NONO: variants seen among roughly 807,000 people sequenced by gnomAD.
NONO encodes non-POU domain containing octamer binding.
NONO carries 6 observed loss-of-function variants against 40.2 expected under a neutral mutation model. The observed-to-expected ratio is 0.15, with a 90% CI of 0.08 to 0.29. The LOEUF (loss-of-function observed/expected upper bound fraction) is 0.29, where lower values mean the gene tolerates loss of function less well. NONO is among the 10% of genes least tolerant of loss of function. The pLI, the probability that NONO is intolerant of heterozygous loss-of-function variation, is 1.00. For synonymous variants in NONO, 89 were observed against 123.3 expected (o/e 0.72, Z 1.85); for missense variants, 133 against 397.8 (o/e 0.33, Z 5.66).
At chrX:71,284,624 TGG>T (rs547628213) in intron 2 of NONO, among the ~76,000 whole-genome samples, 171 bp downstream of exon 2, 1 of 111,900 alleles carries the variant, frequency 8.9e-6, no homozygotes, top group African/African-American at 3.2e-5. Flanking sequence ...GCAACTCTAG[TGG>T]GGGGGCCCTG....
In NONO at chrX:71,295,360, G is replaced by A. The variant is rs62608578; in HGVS notation, c.650+832G>A. ...AAATTAGCCGGGTGTGGTGGCGGGC[G>A]CCTGTTGTCCCAGCTACTCTGGAGG... On this transcript the variant is annotated intron_variant, in intron 5 of 11. Coordinates refer to ENST00000276079, the MANE Select transcript of NONO (RefSeq NM_007363.5). Among the ~76,000 whole-genome samples the A allele has an allele frequency of 5.4e-3, 584 of 107,447 alleles. 3 individuals carry two copies. Among genetic ancestry groups the A allele is most frequent in the Non-Finnish European group, 9.1e-3 (474 of 52,035 alleles). 93.3% of individuals were successfully genotyped at this position (107,447 alleles called of 115,157 possible).
chrX:71,297,786 C>A, intron 8 of NONO, 50 bp from the exon 9 acceptor site: 1 of 982,108 alleles, frequency 1.0e-6, no homozygotes, highest in Non-Finnish European at 1.4e-6. Context: ...TGTTAATCTG[C>A]TCAAGTTCTG....
At chrX:71,297,519 CTT>C in intron 8 of NONO, 58 bp downstream of exon 8, 1 of 827,782 alleles carries the variant, frequency 1.2e-6, no homozygotes, top group East Asian at 3.4e-5. Context: ...TCTCACTCCT[CTT>C]TCCTACTGCC....
chrX:71,299,017 G>A (rs2031515944), intron 11 of NONO, among the ~76,000 whole-genome samples: 1 of 111,404 alleles, frequency 9.0e-6, no homozygotes, highest in African/African-American at 3.3e-5. Flanking sequence ...CACCTCCCGG[G>A]TTCAAGCGAG....
rs756027940 is a variant in NONO, at chrX:71,286,660, T to A, written c.-10+2207T>A. 1.3e-3 allele frequency among the ~76,000 whole-genome samples: 149 copies of A among 112,080 alleles called. 1 individual carries two copies. The highest frequency in any genetic ancestry group is 2.6e-3 in the Non-Finnish European group (140 of 53,284). ...ACTCGTGTTTATGTGGTCTTCATAA[T>A]TTTTAAGGCTGTGAACATTCTGTTG... On this transcript the variant is annotated intron_variant, in intron 2 of 11. Coordinates refer to ENST00000276079, the MANE Select transcript of NONO (RefSeq NM_007363.5).
At chrX:71,299,024 C>T (rs2031516113) in intron 11 of NONO, among the ~76,000 whole-genome samples, 1 of 111,368 alleles carries the variant, frequency 9.0e-6, no homozygotes, top group Non-Finnish European at 1.9e-5. Flanking sequence ...CGGGTTCAAG[C>T]GAGTCTCCTG....
At chrX:71,295,674 C>T (rs1042621269) in intron 5 of NONO, among the ~76,000 whole-genome samples, 9 of 108,868 alleles carry the variant, frequency 8.3e-5, no homozygotes, top group African/African-American at 2.7e-4. Flanking sequence ...GCCTGTGATC[C>T]CAGCTACTCG....
intron 9 of NONO, 47 bp from the exon 10 acceptor site, chrX:71,298,422 G>A (rs771634707): frequency 1.8e-6 from 2 of 1,107,691 alleles, no homozygotes; most frequent in East Asian, 6.0e-5. Flanking sequence ...GATTGTGGTA[G>A]AATGCACTGC....
chrX:71,290,693 A>G lies in NONO; in HGVS notation c.56A>G (p.His19Arg). 8.3e-7 allele frequency: 1 copy of G among 1,208,109 alleles called. No homozygotes were observed. The highest frequency in any genetic ancestry group is 1.1e-6 in the Non-Finnish European group (1 of 893,287). Residue 19 changes from histidine to arginine, a missense_variant, in exon 3 of 12, where the codon CAT (histidine) becomes CGT (arginine). His to Arg is a conservative substitution (Grantham distance 29). Around this residue, in one of 3 missense-constraint regions of NONO, gnomAD observed 28 missense variants for 29.5 expected, o/e 0.95. Transcript: ENST00000276079. ...AAGCAAAACCATACTCCAAGAAAGC[A>G]TCATCAACATCACCACCAGCAGCAG... ...LEKQNHTPRK[H>R]HQHHHQQQHH...
At chrX:71,296,325 G>A (rs1253529208) in intron 5 of NONO, among the ~76,000 whole-genome samples, 1 of 109,738 alleles carries the variant, frequency 9.1e-6, no homozygotes, top group Non-Finnish European at 1.9e-5. Flanking sequence ...TGTTGGCCAG[G>A]CTTGTCTTGA....
At chrX:71,290,829 C>T in intron 3 of NONO, 38 bp downstream of exon 3, 1 of 1,093,275 alleles carries the variant, frequency 9.1e-7, no homozygotes. Context: ...AAATGGATTC[C>T]CTCTGGGAAT....
chrX:71,293,778 C>T (rs376578699), intron 4 of NONO, among the ~76,000 whole-genome samples: 17 of 109,861 alleles, frequency 1.5e-4, no homozygotes, highest in African/African-American at 2.6e-4. Context: ...ACTACCAGTG[C>T]GTGCCACTGC....
At chrX:71,291,578 G>A (rs1388705123) in intron 3 of NONO, among the ~76,000 whole-genome samples, 1 of 111,714 alleles carries the variant, frequency 9.0e-6, no homozygotes, top group Non-Finnish European at 1.9e-5. Context: ...CCGTCGTAGA[G>A]CTGTTCAGAT....
In NONO at chrX:71,301,064, T is replaced by C. The variant is rs185418054; in HGVS notation, c.*988T>C. On this transcript the variant is annotated 3_prime_UTR_variant, in exon 12 of 12. Coordinates refer to ENST00000276079, the MANE Select transcript of NONO (RefSeq NM_007363.5). ...GTAGTCATGCTGTGCATTTTTTTTT[T>C]CATTGGTGTACTGTGTTTGATTTGT... 7.2e-4 allele frequency: 106 copies of C among 147,924 alleles called. No individual in the cohort carries two copies. In the East Asian group the frequency reaches 0.011, roughly 15 times the overall value. 12.2% of individuals were successfully genotyped at this position (147,924 alleles called of 1,213,427 possible). A position where few individuals can be genotyped will look rare whatever the true frequency, so the allele number is the denominator to read the frequency against.
rs747069351 is a variant in NONO at position 71,292,097 on chromosome X, CAG to C, written c.348+127_348+128del. On this transcript the variant is annotated intron_variant, in intron 4 of 11. Coordinates refer to ENST00000276079, the MANE Select transcript of NONO (RefSeq NM_007363.5). ...TGTGTTCCTTGAAAGCTTGATGAAA[CAG>C]AACCACAAAAATGGCACATTTTAAT... The C allele has an allele frequency of 4.6e-5, 21 of 458,559 alleles. No homozygotes were observed. In the South Asian group the frequency reaches 9.0e-4, roughly 20 times the overall value. 37.8% of individuals were successfully genotyped at this position (458,559 alleles called of 1,213,427 possible). A position where few individuals can be genotyped will look rare whatever the true frequency, so the allele number is the denominator to read the frequency against.
chrX:71,300,562 ACCT>A lies in NONO; in HGVS notation c.*488_*490del. On this transcript the variant is annotated 3_prime_UTR_variant, in exon 12 of 12. Coordinates refer to ENST00000276079, the MANE Select transcript of NONO (RefSeq NM_007363.5). Reference sequence around the variant, plus strand: ...GAACTCCTGACCTCGTGATCTACCCACCTCGGCCTCCCAAAATGCTGGGATTAC... The same window carrying A: ...GAACTCCTGACCTCGTGATCTACCCACGGCCTCCCAAAATGCTGGGATTAC... The A allele has an allele frequency of 5.2e-6, 1 of 190,926 alleles. No individual in the cohort carries two copies. The highest frequency in any genetic ancestry group is 9.8e-6 in the Non-Finnish European group (1 of 102,115). 15.7% of individuals were successfully genotyped at this position (190,926 alleles called of 1,213,427 possible).
chrX:71,285,051 T>C (rs774630893), intron 2 of NONO: 11 of 112,555 alleles, frequency 9.8e-5, no homozygotes, highest in Non-Finnish European at 1.9e-4. Context: ...TTCCAAATTA[T>C]ATTGGTGGTC....
intron 3 of NONO, among the ~76,000 whole-genome samples, chrX:71,291,412 T>G (rs752156401): frequency 2.7e-5 from 3 of 111,277 alleles, no homozygotes; most frequent in Admixed American, 9.6e-5. Flanking sequence ...TTTGTTTTTT[T>G]TTTTGTTTGT....
chrX:71,293,631 T>G (rs780481957), intron 4 of NONO, among the ~76,000 whole-genome samples: 4 of 108,436 alleles, frequency 3.7e-5, no homozygotes, highest in Non-Finnish European at 7.7e-5. Context: ...GGTCTTTGAG[T>G]TTTTGTTTTC....
Sources: allele counts gnomAD v4.1 joint callset (sites outside exome capture counted in the v4.1 genomes callset), GRCh38; gene constraint gnomAD v4.1.1; regional missense constraint gnomAD v4.1.1; transcripts MANE v1.5; gene names NCBI Gene and HGNC (gene_info 2026-07-23, HGNC 2026-07-21).